Variants in TDRD9 observed in about 807,000 individuals in gnomAD.
TDRD9 encodes tudor domain containing 9, also known as ATP-dependent RNA helicase TDRD9.
A neutral mutation model predicts 172.6 loss-of-function variants in TDRD9; 124 were observed. The observed-to-expected ratio is 0.72, with a 90% confidence interval of 0.62 to 0.83. TDRD9 has a LOEUF of 0.83. TDRD9 is among the 40% of genes least tolerant of loss of function. The pLI, the probability that TDRD9 is intolerant of heterozygous loss-of-function variation, is 0.00. For synonymous variants in TDRD9, 619 were observed against 617.1 expected, an observed-to-expected ratio of 1.00 and a Z score of -0.05; for missense variants, 1,479 against 1,714.1, an observed-to-expected ratio of 0.86 and a Z score of 2.42.
intron 20 of TDRD9, among the ~76,000 whole-genome samples, chr14:104,010,312 T>C (rs2034574475): frequency 6.6e-6 from 1 of 152,142 alleles, no homozygotes; most frequent in South Asian, 2.1e-4. Context: ...ACTGGTTTTA[T>C]CTATTTTAAA....
At chr14:103,941,599 C>T in intron 1 of TDRD9, 1 of 1,535,152 alleles carries the variant, frequency 6.5e-7, no homozygotes, top group Non-Finnish European at 8.7e-7. Context: ...CATTTTAATT[C>T]CCGAAGCAGA....
chr14:103,994,190 G>T, intron 9 of TDRD9, 142 bp from the exon 10 acceptor site: 1 of 706,498 alleles, frequency 1.4e-6, no homozygotes, highest in Non-Finnish European at 2.5e-6. Context: ...TGTGTTTCTG[G>T]CATATTTAGG....
intron 20 of TDRD9, among the ~76,000 whole-genome samples, chr14:104,011,263 C>A (rs1003965066): frequency 2.0e-5 from 3 of 152,090 alleles, no homozygotes; most frequent in African/African-American, 7.2e-5. Flanking sequence ...AAACATTGCT[C>A]GGTTCTGATT....
chr14:104,007,117 G>A (rs748608242), intron 18 of TDRD9, 43 bp from the exon 19 acceptor site: 8 of 1,576,876 alleles, frequency 5.1e-6, no homozygotes, highest in Non-Finnish European at 6.0e-6. Context: ...AAAATTCAGT[G>A]AGCCAACACA....
chr14:103,929,145 T>C (rs1362303339), intron 1 of TDRD9, among the ~76,000 whole-genome samples: 1 of 152,020 alleles, frequency 6.6e-6, no homozygotes, highest in African/African-American at 2.4e-5. Context: ...ACAGGAGGGT[T>C]CACGCCTCGT....
intron 1 of TDRD9, among the ~76,000 whole-genome samples, chr14:103,937,299 C>T (rs2030832288): frequency 6.6e-6 from 1 of 152,164 alleles, no homozygotes; most frequent in South Asian, 2.1e-4. Flanking sequence ...TTTTCTGTGT[C>T]TTGAAGATAG....
At chr14:104,048,422 CTTATTT>C (rs2035843757) in intron 34 of TDRD9, among the ~76,000 whole-genome samples, 1 of 151,982 alleles carries the variant, frequency 6.6e-6, no homozygotes, top group African/African-American at 2.4e-5. Context: ...TTTCTTTATT[CTTATTT>C]TTATTTTTTA....
intron 5 of TDRD9, among the ~76,000 whole-genome samples, chr14:103,970,129 G>C (rs187565186): frequency 6.6e-6 from 1 of 152,312 alleles, no homozygotes; most frequent in Admixed American, 6.5e-5. Flanking sequence ...TGCTTGCTCA[G>C]ATGACAGTGT....
intron 6 of TDRD9, among the ~76,000 whole-genome samples, chr14:103,971,133 A>G (rs552824522): frequency 1.8e-4 from 28 of 151,700 alleles, no homozygotes; most frequent in Middle Eastern, 3.4e-3. Context: ...ACAGGCACCC[A>G]CCACCAAGCC....
At position 104,032,928 on chromosome 14, in the gene TDRD9, G is replaced by C. The variant is rs1044916307; in HGVS notation, c.3509+841G>C. Reference sequence around the variant, plus strand: ...TCTGAGGCCTGGCGGATACAGAGGCGTCAGCCAAGGTGCAGGTGTTGGAGG... The same window carrying C: ...TCTGAGGCCTGGCGGATACAGAGGCCTCAGCCAAGGTGCAGGTGTTGGAGG... On this transcript the variant is annotated intron_variant, in intron 30 of 35. Coordinates refer to ENST00000409874, the MANE Select transcript of TDRD9 (RefSeq NM_153046.3). Among the ~76,000 whole-genome samples the C allele has an allele frequency of 5.9e-5, 9 of 152,332 alleles. No homozygotes were observed. The South Asian group carries it at 1.9e-3, about 32-fold the overall frequency.
intron 12 of TDRD9, among the ~76,000 whole-genome samples, chr14:103,996,689 G>A (rs553345353): frequency 2.6e-5 from 4 of 152,262 alleles, no homozygotes; most frequent in African/African-American, 4.8e-5. Context: ...TTGTACCAGC[G>A]AAATAGCAGT....
At chr14:104,033,063 G>C (rs1011847910) in intron 30 of TDRD9, among the ~76,000 whole-genome samples, 2 of 152,154 alleles carry the variant, frequency 1.3e-5, no homozygotes, top group Admixed American at 6.5e-5. Context: ...AGAATTGGGT[G>C]GGGGGAAGGG....
intron 30 of TDRD9, among the ~76,000 whole-genome samples, chr14:104,032,648 C>G (rs1275651100): frequency 1.3e-5 from 2 of 152,178 alleles, no homozygotes; most frequent in African/African-American, 4.8e-5. Flanking sequence ...GTTCTTGTTA[C>G]AATTGTTATT....
chr14:103,959,462 G>GTGTA (rs1388877618), intron 2 of TDRD9, among the ~76,000 whole-genome samples: 1 of 133,718 alleles, frequency 7.5e-6, no homozygotes, highest in Non-Finnish European at 1.6e-5. Flanking sequence ...TATCGTGTGT[G>GTGTA]TGTGTGTGTG....
At chr14:103,976,146 G>T (rs1018979537) in intron 7 of TDRD9, among the ~76,000 whole-genome samples, 1 of 152,012 alleles carries the variant, frequency 6.6e-6, no homozygotes, top group African/African-American at 2.4e-5. Context: ...ATCTTTCTGT[G>T]CCTGACTTAT....
rs1943616643 is a variant in TDRD9 at position 104,043,972 on chromosome 14, TG to T, written c.3974+1786del. Among the ~76,000 whole-genome samples the T allele has an allele frequency of 1.3e-5, 2 of 152,160 alleles. 1 individual carries two copies. The highest frequency in any genetic ancestry group is 4.1e-4 in the South Asian group (2 of 4,828). On this transcript the variant is annotated intron_variant, in intron 34 of 35. Transcript: ENST00000409874. Reference sequence around the variant, plus strand: ...AGCCTGTGGGGGGCTCGTCGCCATGTGTGGGAAGATCTTTCCTTGATTCCGG... The same window carrying T: ...AGCCTGTGGGGGGCTCGTCGCCATGTTGGGAAGATCTTTCCTTGATTCCGG...
intron 27 of TDRD9, 21 bp downstream of exon 27, chr14:104,026,157 G>C (rs754657761): frequency 6.8e-7 from 1 of 1,466,528 alleles, no homozygotes; most frequent in Non-Finnish European, 9.6e-7. Flanking sequence ...GAAGACTCTA[G>C]GGAATGAATG....
At position 103,991,819 on chromosome 14, in the gene TDRD9, A is replaced by G. The variant is rs2033881162; in HGVS notation, c.1180+595A>G. ...GTTGCCCAGGCAGGGGTACAGTGGC[A>G]AAATCTTAGCTCACTGCAACCTCTG... is the stretch of plus-strand genomic sequence containing the variant. On this transcript the variant is annotated intron_variant, in intron 9 of 35. Coordinates refer to ENST00000409874, the MANE Select transcript of TDRD9 (RefSeq NM_153046.3). Among the ~76,000 whole-genome samples the G allele has an allele frequency of 2.6e-5, 4 of 151,730 alleles. No homozygotes were observed. In the South Asian group the frequency reaches 8.4e-4, roughly 32 times the overall value.
At chr14:104,015,350 G>C (rs1056486417) in intron 21 of TDRD9, among the ~76,000 whole-genome samples, 1 of 152,206 alleles carries the variant, frequency 6.6e-6, no homozygotes, top group African/African-American at 2.4e-5. Flanking sequence ...TTTCCTAGAA[G>C]GGTTGGCTGA....
Sources: gnomAD v4.1 joint callset for allele counts (sites outside exome capture counted in the v4.1 genomes callset) on GRCh38, gnomAD v4.1.1 for gene constraint, MANE v1.5 for transcripts, NCBI Gene and HGNC (gene_info 2026-07-23, HGNC 2026-07-21) for gene names.